Variants in PALLD observed in about 807,000 individuals in gnomAD.
PALLD encodes palladin.
A neutral mutation model predicts 123.5 loss-of-function variants in PALLD; 61 were observed. That is an observed-to-expected ratio of 0.49 (90% CI 0.40 to 0.61). The LOEUF (loss-of-function observed/expected upper bound fraction) is 0.61, where lower values mean the gene tolerates loss of function less well. Among genes scored for constraint, PALLD ranks in the 20% least tolerant of loss-of-function variants. The probability of loss-of-function intolerance (pLI) is 0.00; values close to 1 mark genes in which losing one functional copy is unlikely to be tolerated. For missense variants in PALLD, 1,273 were observed against 1,377.0 expected (o/e 0.92, Z 1.20); for synonymous variants, 465 against 496.4 (o/e 0.94, Z 0.84).
At chr4:168,590,793 C>T (rs1246604837) in intron 2 of PALLD, among the ~76,000 whole-genome samples, 1 of 150,248 alleles carries the variant, frequency 6.7e-6, no homozygotes, top group East Asian at 2.0e-4. Flanking sequence ...GGTAGAACAC[C>T]ATGGAGTGAA....
At chr4:168,530,721 G>C (rs1764524516) in intron 2 of PALLD, 1 of 129,338 alleles carries the variant, frequency 7.7e-6, no homozygotes, top group Non-Finnish European at 1.6e-5. Context: ...AGACAGATGA[G>C]GAACTTACAT....
intron 2 of PALLD, among the ~76,000 whole-genome samples, chr4:168,613,803 C>T (rs568239673): frequency 1.1e-4 from 17 of 152,180 alleles, no homozygotes; most frequent in African/African-American, 4.1e-4. Flanking sequence ...TGGGAGAATT[C>T]GATTAAACTA....
intron 2 of PALLD, among the ~76,000 whole-genome samples, chr4:168,662,918 A>T (rs550311257): frequency 6.6e-6 from 1 of 152,346 alleles, no homozygotes; most frequent in South Asian, 2.1e-4. Flanking sequence ...TGAAGAGTGG[A>T]TGAGGCAGAT....
intron 2 of PALLD, among the ~76,000 whole-genome samples, chr4:168,592,124 C>T (rs1771500119): frequency 6.6e-6 from 1 of 151,382 alleles, no homozygotes; most frequent in African/African-American, 2.4e-5. Context: ...TCAAGCGATT[C>T]TCCTGCCTCA....
At chr4:168,749,757 C>T (rs1049544564) in intron 10 of PALLD, among the ~76,000 whole-genome samples, 5 of 152,068 alleles carry the variant, frequency 3.3e-5, no homozygotes, top group African/African-American at 1.2e-4. Flanking sequence ...AGGAGGTACA[C>T]GTGCAGATTT....
rs145051644 is a variant in PALLD at position 168,573,896 on chromosome 4, C to G, written c.908+61484C>G. Among the ~76,000 whole-genome samples, 3 of 151,068 alleles carry G rather than the reference C, an allele frequency of 2.0e-5. No homozygotes were observed. The East Asian group carries it at 5.8e-4, about 29-fold the overall frequency. ...TTTATCCTTGGAATACAACCTTTTA[C>G]GTTTGAATCTTAATTAAAGAGAAAA... On this transcript the variant is annotated intron_variant, in intron 2 of 21. Coordinates refer to ENST00000505667, the MANE Select transcript of PALLD (RefSeq NM_001166108.2).
intron 10 of PALLD, among the ~76,000 whole-genome samples, chr4:168,809,935 C>T (rs374680856): frequency 6.6e-6 from 1 of 151,230 alleles, no homozygotes; most frequent in East Asian, 1.9e-4. Flanking sequence ...AAGGAGTAGT[C>T]AGGGAAGTGT....
intron 2 of PALLD, among the ~76,000 whole-genome samples, chr4:168,639,345 G>A (rs564657882): frequency 6.6e-6 from 1 of 152,246 alleles, no homozygotes; most frequent in African/African-American, 2.4e-5. Flanking sequence ...CAGTATTGTT[G>A]TCAAAATAGT....
rs1246224111 is a variant in PALLD, at chr4:168,927,718, G to C, written c.*1538G>C. Reference sequence around the variant, plus strand: ...TTGTAAAGGCATCTCGGTAAAGACTGCTTTTTGAATGCATATGATTTTGCA... The same window carrying C: ...TTGTAAAGGCATCTCGGTAAAGACTCCTTTTTGAATGCATATGATTTTGCA... On this transcript the variant is annotated 3_prime_UTR_variant, in exon 22 of 22. Transcript: ENST00000505667. 1 of 223,394 alleles carries C rather than the reference G, an allele frequency of 4.5e-6. No homozygotes were observed. Among genetic ancestry groups the C allele is most frequent in the Non-Finnish European group, 9.0e-6 (1 of 111,496 alleles). The allele number at this position is 223,394 out of a possible 1,614,324, so 13.8% of individuals were successfully genotyped here.
chr4:168,714,018 T>C lies in PALLD; in HGVS notation c.1964+2095T>C, dbSNP rs375332109. ...TTCTTAGGGAATCACTTGATTTTTGTTTTTTCGTGTTGCATATTTACCTGC... is the reference window on the plus strand; with the variant it reads ...TTCTTAGGGAATCACTTGATTTTTGCTTTTTCGTGTTGCATATTTACCTGC... On this transcript the variant is annotated intron_variant, in intron 10 of 21. Coordinates refer to ENST00000505667, the MANE Select transcript of PALLD (RefSeq NM_001166108.2). 4.0e-5 allele frequency among the ~76,000 whole-genome samples: 6 copies of C among 150,556 alleles called. 1 individual carries two copies. In the East Asian group the frequency reaches 9.7e-4, roughly 24 times the overall value.
At chr4:168,873,313 CAG>C (rs1751323206) in intron 10 of PALLD, among the ~76,000 whole-genome samples, 1 of 152,202 alleles carries the variant, frequency 6.6e-6, no homozygotes, top group Non-Finnish European at 1.5e-5. Flanking sequence ...GCTTATGGTT[CAG>C]AGGGTGCAGT....
intron 2 of PALLD, chr4:168,537,722 G>C (rs952356407): frequency 6.6e-6 from 1 of 152,176 alleles, no homozygotes; most frequent in Admixed American, 6.5e-5. Flanking sequence ...TGGCAGTCTT[G>C]TGGGAAGAAG....
chr4:168,836,758 T>C (rs1052890897), intron 10 of PALLD, among the ~76,000 whole-genome samples: 3 of 152,174 alleles, frequency 2.0e-5, no homozygotes, highest in African/African-American at 7.2e-5. Flanking sequence ...AGCTTTCAGA[T>C]GGGTTGTGTT....
At chr4:168,904,055 G>A in intron 15 of PALLD, 149 bp downstream of exon 15, 2 of 759,714 alleles carry the variant, frequency 2.6e-6, no homozygotes, top group South Asian at 3.1e-5. Flanking sequence ...CTTGGTTTCA[G>A]AGGATAGAAA....
chr4:168,755,577 T>C (rs747345537), intron 10 of PALLD, among the ~76,000 whole-genome samples: 4 of 152,178 alleles, frequency 2.6e-5, no homozygotes, highest in Admixed American at 6.5e-5. Flanking sequence ...CTTCGGTGTC[T>C]ATTCAATGCA....
chr4:168,709,211 C>T, intron 9 of PALLD, 64 bp downstream of exon 9: 6 of 1,567,216 alleles, frequency 3.8e-6, no homozygotes, highest in Admixed American at 1.7e-5. Flanking sequence ...ATGGCCACAG[C>T]AGAAAGGCAC....
At chr4:168,901,911 T>C (rs1756609094) in intron 14 of PALLD, among the ~76,000 whole-genome samples, 1 of 152,194 alleles carries the variant, frequency 6.6e-6, no homozygotes, top group Non-Finnish European at 1.5e-5. Context: ...TATGATACTT[T>C]ACATAATTTA....
intron 1 of PALLD, among the ~76,000 whole-genome samples, chr4:168,508,950 G>A (rs2149418841): frequency 6.6e-6 from 1 of 152,216 alleles, no homozygotes; most frequent in East Asian, 1.9e-4. Context: ...AGAGAAACCA[G>A]GCTGCCTTGG....
chr4:168,552,848 T>C (rs1238989078), intron 2 of PALLD, among the ~76,000 whole-genome samples: 1 of 151,948 alleles, frequency 6.6e-6, no homozygotes, highest in East Asian at 1.9e-4. Context: ...GCTAATTTTT[T>C]AATTTTTAAT....
Sources: gnomAD v4.1 joint callset for allele counts (sites outside exome capture counted in the v4.1 genomes callset) on GRCh38, gnomAD v4.1.1 for gene constraint, MANE v1.5 for transcripts, NCBI Gene and HGNC (gene_info 2026-07-23, HGNC 2026-07-21) for gene names.